PDZRN4: variants seen among roughly 807,000 people sequenced by gnomAD.
PDZRN4 encodes PDZ domain-containing RING finger protein 4.
In PDZRN4, 70 loss-of-function variants were observed where a neutral mutation model predicts 99.0. The observed-to-expected ratio is 0.71, with a 90% CI of 0.58 to 0.86. PDZRN4 has a LOEUF of 0.86. PDZRN4 is among the 40% of genes least tolerant of loss of function. The probability of loss-of-function intolerance (pLI) is 0.00; values close to 1 mark genes in which losing one functional copy is unlikely to be tolerated. For missense variants in PDZRN4, 1,474 were observed against 1,331.2 expected (o/e 1.11, Z -1.67); for synonymous variants, 551 against 501.6 (o/e 1.10, Z -1.32).
At chr12:41,295,739 C>G (rs80101327) in intron 3 of PDZRN4, among the ~76,000 whole-genome samples, 1,637 of 152,044 alleles carry the variant, frequency 0.011, 30 homozygotes, top group African/African-American at 0.037. Flanking sequence ...ACATCAGTTT[C>G]AAAAGAGACC....
chr12:41,375,182 C>T (rs1274413041), intron 3 of PDZRN4, among the ~76,000 whole-genome samples: 1 of 152,108 alleles, frequency 6.6e-6, no homozygotes, highest in Admixed American at 6.6e-5. Context: ...TCTGAGAAAA[C>T]CCTCAATTCA....
intron 3 of PDZRN4, among the ~76,000 whole-genome samples, chr12:41,270,491 G>A (rs1951308104): frequency 1.3e-5 from 2 of 152,044 alleles, no homozygotes. Flanking sequence ...GATGGCTTGT[G>A]TAACAAAAGG....
At chr12:41,221,477 C>T (rs1043372745) in intron 3 of PDZRN4, among the ~76,000 whole-genome samples, 1 of 151,860 alleles carries the variant, frequency 6.6e-6, no homozygotes, top group Non-Finnish European at 1.5e-5. Context: ...ATATCAACAG[C>T]TCTAAGGAAA....
chr12:41,409,231 AT>A (rs1355534168), intron 3 of PDZRN4, among the ~76,000 whole-genome samples: 1 of 152,132 alleles, frequency 6.6e-6, no homozygotes, highest in Admixed American at 6.6e-5. Flanking sequence ...TTATTTCTAG[AT>A]TTTTTAAGGG....
Position 41,572,699 on chromosome 12 carries a change from T to C in PDZRN4, c.1920T>C (p.His640=). ...AGCTCAAATGCAAGATTCGAAATCA[T>C]GGAGAGTATGACCTGTATTACTCAA... is the stretch of plus-strand genomic sequence containing the variant. ...LLELKCKIRN[H]GEYDLYYSSS... is the part of the protein sequence containing the mutation. Residue 640 remains histidine (H), a synonymous_variant, in exon 10 of 10, where the codon CAT becomes CAC. Transcript: ENST00000402685. 6.2e-7 allele frequency: 1 copy of C among 1,614,132 alleles called. No individual in the cohort carries two copies. The highest frequency in any genetic ancestry group is 8.5e-7 in the Non-Finnish European group (1 of 1,180,002).
At chr12:41,204,790 T>C (rs1566358114) in intron 3 of PDZRN4, among the ~76,000 whole-genome samples, 1 of 151,942 alleles carries the variant, frequency 6.6e-6, no homozygotes, top group Non-Finnish European at 1.5e-5. Flanking sequence ...AGCCAAACCA[T>C]ATCAGAGCCT....
intron 3 of PDZRN4, among the ~76,000 whole-genome samples, chr12:41,446,245 C>CTTTATTTA (rs10529599): frequency 1.7e-4 from 25 of 148,392 alleles, no homozygotes; most frequent in African/African-American, 2.2e-4. Context: ...CATTGTAGGG[C>CTTTATTTA]TTTATTTATT....
intron 5 of PDZRN4, among the ~76,000 whole-genome samples, chr12:41,539,801 G>A (rs1938816389): frequency 6.6e-6 from 1 of 152,220 alleles, no homozygotes; most frequent in African/African-American, 2.4e-5. Context: ...ACAAATCTCT[G>A]TTGTGTCAAC....
chr12:41,411,045 TAA>T (rs71434364), intron 3 of PDZRN4, among the ~76,000 whole-genome samples: 7,081 of 130,662 alleles, frequency 0.054, 253 homozygotes, highest in South Asian at 0.081. Context: ...CACTGAGCTT[TAA>T]AATATATATA....
chr12:41,275,714 T>C (rs1565539268), intron 3 of PDZRN4, among the ~76,000 whole-genome samples: 1 of 152,136 alleles, frequency 6.6e-6, no homozygotes, highest in Non-Finnish European at 1.5e-5. Flanking sequence ...TATAGATATA[T>C]AGTAAGTAAA....
intron 3 of PDZRN4, chr12:41,411,938 T>C (rs1382311140): frequency 6.6e-6 from 1 of 152,202 alleles, no homozygotes; most frequent in East Asian, 1.9e-4. Flanking sequence ...CCAAGTCTGG[T>C]CTAGTCAAGT....
At chr12:41,191,770 T>TG (rs1950737027) in intron 2 of PDZRN4, among the ~76,000 whole-genome samples, 1 of 98,022 alleles carries the variant, frequency 1.0e-5, no homozygotes, top group Non-Finnish European at 2.1e-5. Context: ...ATTTATTTAT[T>TG]TATTTATTTA....
At chr12:41,448,272 T>G (rs1318565708) in intron 3 of PDZRN4, among the ~76,000 whole-genome samples, 1 of 152,192 alleles carries the variant, frequency 6.6e-6, no homozygotes, top group Non-Finnish European at 1.5e-5. Context: ...TAAGACAATG[T>G]GATTTTTCCC....
chr12:41,240,253 T>A (rs1951093619), intron 3 of PDZRN4, among the ~76,000 whole-genome samples: 1 of 152,172 alleles, frequency 6.6e-6, no homozygotes. Flanking sequence ...TTTCTTGATA[T>A]CTCCATCAAT....
intron 3 of PDZRN4, among the ~76,000 whole-genome samples, chr12:41,389,967 G>C (rs1952198190): frequency 6.6e-6 from 1 of 152,086 alleles, no homozygotes; most frequent in African/African-American, 2.4e-5. Context: ...TAGCCTCTTA[G>C]GTAATGTCGA....
chr12:41,353,354 T>A (rs12819775), intron 3 of PDZRN4, among the ~76,000 whole-genome samples: 1 of 152,102 alleles, frequency 6.6e-6, no homozygotes, highest in African/African-American at 2.4e-5. Context: ...CTTTCCATTG[T>A]TTGCAGAATG....
At chr12:41,348,812 TTCA>T (rs1243516675) in intron 3 of PDZRN4, among the ~76,000 whole-genome samples, 2 of 152,026 alleles carry the variant, frequency 1.3e-5, no homozygotes, top group Non-Finnish European at 2.9e-5. Context: ...AGCTACTGGG[TTCA>T]GATTTCACAT....
intron 3 of PDZRN4, among the ~76,000 whole-genome samples, chr12:41,383,749 G>GCC (rs1952143178): frequency 6.6e-6 from 1 of 152,138 alleles, no homozygotes; most frequent in Non-Finnish European, 1.5e-5. Flanking sequence ...ATTTGTAGCT[G>GCC]ATTTACATTA....
chr12:41,310,777 T>C (rs931364814), intron 3 of PDZRN4, among the ~76,000 whole-genome samples: 3 of 152,244 alleles, frequency 2.0e-5, no homozygotes, highest in African/African-American at 7.2e-5. Flanking sequence ...AGACAAATTC[T>C]TACAAATATT....
Sources: allele counts gnomAD v4.1 joint callset (sites outside exome capture counted in the v4.1 genomes callset), GRCh38; gene constraint gnomAD v4.1.1; transcripts MANE v1.5; gene names NCBI Gene and HGNC (gene_info 2026-07-23, HGNC 2026-07-21).